Variants in IFT52 observed in about 807,000 individuals in gnomAD.
IFT52 encodes the protein intraflagellar transport protein 52 homolog.
A neutral mutation model predicts 54.4 loss-of-function variants in IFT52; 44 were observed. The ratio of observed to expected loss-of-function variants is 0.81; its 90% CI spans 0.63 to 1.04. The LOEUF is 1.04. Ranked by LOEUF, IFT52 falls within the 50% of genes least tolerant of loss-of-function variation. The pLI, the probability that IFT52 is intolerant of heterozygous loss-of-function variation, is 0.00. For synonymous variants in IFT52, 181 were observed against 185.3 expected (o/e 0.98, Z 0.19); for missense variants, 452 against 523.6 (o/e 0.86, Z 1.33).
intron 3 of IFT52, among the ~76,000 whole-genome samples, chr20:43,599,960 A>C (rs1368216782): frequency 6.6e-6 from 1 of 152,206 alleles, no homozygotes; most frequent in East Asian, 1.9e-4. Context: ...ACCCACCACC[A>C]TTAAAAAAGT....
Position 43,624,012 on chromosome 20 carries a change from A to G in IFT52, c.890A>G (p.Gln297Arg), listed in dbSNP as rs151235796. The change falls in exon 10 of 14, where the codon CAG (glutamine) becomes CGG (arginine). Residue 297 changes from glutamine to arginine, a missense_variant. Physicochemically the swap from Gln to Arg is conservative, Grantham distance 43. Coordinates refer to ENST00000373030, the MANE Select transcript of IFT52 (RefSeq NM_016004.5). Reference protein sequence around the residue: ...FTTLFDLSIFQLDTTSFHSVI... With the variant: ...FTTLFDLSIFRLDTTSFHSVI... ...ACCCTCTTCGACCTGTCCATCTTCCAGCTGGATACCACCTCCTTCCACAGC... is the reference window on the plus strand; with the variant it reads ...ACCCTCTTCGACCTGTCCATCTTCCGGCTGGATACCACCTCCTTCCACAGC... 9.2e-5 allele frequency: 148 copies of G among 1,614,170 alleles called. No individual in the cohort carries two copies. In the African/African-American group the frequency reaches 1.9e-3, roughly 20 times the overall value.
intron 10 of IFT52, among the ~76,000 whole-genome samples, chr20:43,631,310 T>C (rs914392858): frequency 6.6e-6 from 1 of 152,224 alleles, no homozygotes; most frequent in Admixed American, 6.5e-5. Context: ...TAGCAGGTGC[T>C]TGATAAAAGT....
Position 43,628,722 on chromosome 20 carries a change from G to A in IFT52, c.923+4677G>A, listed in dbSNP as rs148847516. Among the ~76,000 whole-genome samples, 5 of 152,190 alleles carry A rather than the reference G, an allele frequency of 3.3e-5. No homozygotes were observed. The East Asian group carries it at 5.8e-4, about 18-fold the overall frequency. On this transcript the variant is annotated intron_variant, in intron 10 of 13. Coordinates refer to ENST00000373030, the MANE Select transcript of IFT52 (RefSeq NM_016004.5). ...AAAAATCAGCCGAGCTTGGTGGTGCGCGCCTGTAGTCCCAGCTACTCGGGA... is the reference window on the plus strand; with the variant it reads ...AAAAATCAGCCGAGCTTGGTGGTGCACGCCTGTAGTCCCAGCTACTCGGGA...
chr20:43,619,748 T>C, intron 8 of IFT52, among the ~76,000 whole-genome samples: 1 of 152,088 alleles, frequency 6.6e-6, no homozygotes, highest in East Asian at 1.9e-4. Context: ...GGGAAGCACA[T>C]GTCTGTACAG....
intron 1 of IFT52, 86 bp downstream of exon 1, chr20:43,591,140 G>T (rs3752561): frequency 0.78 from 118,362 of 152,398 alleles, 46,287 homozygotes; most frequent in Non-Finnish European, 0.81. Context: ...CTTCGAGGCC[G>T]CTGGGCCGGT....
intron 11 of IFT52, among the ~76,000 whole-genome samples, 161 bp from the exon 12 acceptor site, chr20:43,636,984 T>C (rs1985578901): frequency 6.6e-6 from 1 of 152,216 alleles, no homozygotes; most frequent in South Asian, 2.1e-4. Flanking sequence ...GGTTTCCATG[T>C]GGTGTGGTTC....
chr20:43,595,611 C>G (rs547891160), intron 2 of IFT52, among the ~76,000 whole-genome samples: 1 of 151,948 alleles, frequency 6.6e-6, no homozygotes, highest in South Asian at 2.1e-4. Flanking sequence ...TTGGGCAGGA[C>G]GCGGTGGCTC....
intron 12 of IFT52, among the ~76,000 whole-genome samples, chr20:43,639,236 C>CA (rs1226726402): frequency 0.78 from 103,630 of 133,310 alleles, 39,466 homozygotes; most frequent in East Asian, 0.8. Context: ...CCCATCTCTA[C>CA]AAAAAAAAAA....
At chr20:43,596,361 T>G in intron 2 of IFT52, 74 bp from the exon 3 acceptor site, 1 of 953,968 alleles carries the variant, frequency 1.0e-6, no homozygotes, top group Non-Finnish European at 1.6e-6. Context: ...TTCCAAATAG[T>G]TAAGAGACTA....
At chr20:43,636,122 G>A (rs764289462) in intron 11 of IFT52, 109 bp downstream of exon 11, 1 of 978,506 alleles carries the variant, frequency 1.0e-6, no homozygotes, top group African/African-American at 1.6e-5. Context: ...GGCACTCCTT[G>A]TGGAGTCATA....
At chr20:43,642,416 A>C in intron 12 of IFT52, 63 bp from the exon 13 acceptor site, 1 of 1,483,940 alleles carries the variant, frequency 6.7e-7, no homozygotes, top group Non-Finnish European at 9.3e-7. Flanking sequence ...AAACACACTA[A>C]GTCTGTACTT....
intron 10 of IFT52, among the ~76,000 whole-genome samples, chr20:43,626,577 C>G (rs1438610424): frequency 6.6e-6 from 1 of 152,028 alleles, no homozygotes; most frequent in Non-Finnish European, 1.5e-5. Flanking sequence ...CAGGATGAAT[C>G]TTTTTTCTTA....
At chr20:43,605,239 G>A in intron 6 of IFT52, 166 bp downstream of exon 6, 2 of 1,409,782 alleles carry the variant, frequency 1.4e-6, no homozygotes, top group South Asian at 2.7e-5. Context: ...TCCTCCCCCT[G>A]AAGGTAGTCT....
At chr20:43,622,763 AC>A (rs1984421585) in intron 9 of IFT52, among the ~76,000 whole-genome samples, 3 of 54,882 alleles carry the variant, frequency 5.5e-5, no homozygotes, top group Admixed American at 1.5e-4. Context: ...ATAAATATAT[AC>A]AAATTGTGTG....
intron 7 of IFT52, among the ~76,000 whole-genome samples, chr20:43,617,317 AT>A (rs1170092211): frequency 6.6e-6 from 1 of 152,060 alleles, no homozygotes; most frequent in East Asian, 1.9e-4. Context: ...TTTATATCAT[AT>A]TTTCATATTT....
At position 43,623,943 on chromosome 20, in the gene IFT52, G is replaced by A. The variant is rs375124421; in HGVS notation, c.821G>A (p.Arg274Gln). 5 of 1,614,096 alleles carry A rather than the reference G, an allele frequency of 3.1e-6. No individual in the cohort carries two copies. The highest frequency in any genetic ancestry group is 4.2e-6 in the Non-Finnish European group (5 of 1,180,032). Residue 274 changes from arginine to glutamine, a missense_variant, in exon 10 of 14, where the codon CGA (arginine) becomes CAA (glutamine). Transcript: ENST00000373030. ...PYTATLSKRN[R>Q]ECLQESDEIP... The stretch of plus-strand genomic sequence containing the variant: ...ACAGCCACCCTATCAAAGCGGAATC[G>A]AGAGTGTCTCCAGGAGAGTGATGAG...
At chr20:43,634,438 A>G (rs913025793) in intron 10 of IFT52, among the ~76,000 whole-genome samples, 1 of 152,242 alleles carries the variant, frequency 6.6e-6, no homozygotes, top group Admixed American at 6.5e-5. Flanking sequence ...GCATATCTAC[A>G]TGAGTATCTG....
intron 8 of IFT52, 84 bp downstream of exon 8, chr20:43,619,110 C>T (rs1984078906): frequency 1.0e-6 from 1 of 970,178 alleles, no homozygotes; most frequent in Non-Finnish European, 1.6e-6. Context: ...TTTATTTGCT[C>T]ATTTAAAAGC....
intron 3 of IFT52, among the ~76,000 whole-genome samples, chr20:43,596,841 A>G (rs1568708157): frequency 1.3e-5 from 2 of 148,716 alleles, no homozygotes; most frequent in Non-Finnish European, 3.0e-5. Context: ...TCCCGGGTTC[A>G]AGCAATTCTC....
Sources: allele counts gnomAD v4.1 joint callset (sites outside exome capture counted in the v4.1 genomes callset), GRCh38; gene constraint gnomAD v4.1.1; transcripts MANE v1.5; gene names NCBI Gene and HGNC (gene_info 2026-07-23, HGNC 2026-07-21).